Variants in NPHP4 observed in about 807,000 individuals in gnomAD.
NPHP4 encodes the protein nephrocystin-4.
Under a neutral mutation model 155.8 loss-of-function variants are expected in NPHP4, and 151 were observed. That is an observed-to-expected ratio of 0.97 (90% CI 0.85 to 1.11). NPHP4 has a LOEUF of 1.11. NPHP4 is among the 50% of genes least tolerant of loss of function. The pLI is 0.00. For synonymous variants in NPHP4, 845 were observed against 816.8 expected, an observed-to-expected ratio of 1.03 and a Z score of -0.59; for missense variants, 1,956 against 1,925.7, an observed-to-expected ratio of 1.02 and a Z score of -0.29.
chr1:5,968,903 T>C (rs1652026908), intron 4 of NPHP4, among the ~76,000 whole-genome samples, 184 bp downstream of exon 4: 1 of 151,900 alleles, frequency 6.6e-6, no homozygotes. Context: ...GCGTGGCACC[T>C]GTAATCCCAC....
rs1570064540 is a variant in NPHP4, at chr1:5,867,617, C to A, written c.3472+123G>T. ...GGCAGGAGAGAGAATTCCCCAGGCCCCACGTGCTGCTCTGACAGCACCAGG... is the reference window on the plus strand; with the variant it reads ...GGCAGGAGAGAGAATTCCCCAGGCCACACGTGCTGCTCTGACAGCACCAGG... On this transcript the variant is annotated intron_variant, in intron 24 of 29. Coordinates refer to ENST00000378156, the MANE Select transcript of NPHP4 (RefSeq NM_015102.5). The surrounding 1 kb of genome is among the most constrained non-coding windows in gnomAD (Gnocchi z 4.1). 6.1e-6 allele frequency: 6 copies of A among 987,406 alleles called. No homozygotes were observed. The highest frequency in any genetic ancestry group is 7.5e-6 in the Non-Finnish European group (5 of 668,842). The allele number at this position is 987,406 out of a possible 1,614,324, so 61.2% of individuals were successfully genotyped here.
chr1:5,986,748 G>A (rs1057450041), intron 1 of NPHP4, among the ~76,000 whole-genome samples: 1 of 151,878 alleles, frequency 6.6e-6, no homozygotes, highest in Non-Finnish European at 1.5e-5. Context: ...AGAACCCTCC[G>A]CCCCACCCCT....
intron 16 of NPHP4, among the ~76,000 whole-genome samples, chr1:5,893,191 G>C (rs901390749): frequency 6.6e-6 from 1 of 152,150 alleles, no homozygotes. Context: ...AGGGTCGGTG[G>C]GTCTCTCCCC....
chr1:5,895,044 G>A (rs1050772037), intron 16 of NPHP4, among the ~76,000 whole-genome samples: 42 of 152,168 alleles, frequency 2.8e-4, no homozygotes, highest in African/African-American at 9.7e-4. Flanking sequence ...GGACATGGAT[G>A]AAGCTGGAAA....
At chr1:5,952,862 G>A in intron 6 of NPHP4, 26 bp from the exon 7 acceptor site, 2 of 1,578,438 alleles carry the variant, frequency 1.3e-6, no homozygotes, top group Non-Finnish European at 1.7e-6. Flanking sequence ...TGCGAAAAGG[G>A]TCATCCTTGG....
In NPHP4 at chr1:5,933,323, A is replaced by C. The variant is rs199561679; in HGVS notation, c.1126T>G (p.Ser376Ala). ...SPAGVDGNAA[S>A]VTSLSNLACM... is the part of the protein sequence containing the mutation. The stretch of plus-strand genomic sequence containing the variant: ...GCCAGGTTGGACAGAGAGGTGACCG[A>C]AGCTGCCTAGAATTAAAACAAAGCA... Residue 376 changes from serine (S) to alanine (A), a missense_variant, in exon 10 of 30, where the codon TCG (serine) becomes GCG (alanine). Transcript: ENST00000378156. 1.6e-4 allele frequency: 251 copies of C among 1,612,284 alleles called. No individual in the cohort carries two copies. Among genetic ancestry groups the C allele is most frequent in the Non-Finnish European group, 2.0e-4 (238 of 1,179,642 alleles).
chr1:5,866,206 T>A, intron 26 of NPHP4, 167 bp downstream of exon 26: 1 of 674,666 alleles, frequency 1.5e-6, no homozygotes, highest in Non-Finnish European at 2.7e-6. Flanking sequence ...CCTAGACCCC[T>A]GCGGGCCCTG....
chr1:5,932,441 A>C (rs1342756554), intron 10 of NPHP4, among the ~76,000 whole-genome samples: 3 of 152,150 alleles, frequency 2.0e-5, no homozygotes, highest in Non-Finnish European at 4.4e-5. Flanking sequence ...GCCGAGCAGA[A>C]ACTCTGCCAC....
intron 16 of NPHP4, among the ~76,000 whole-genome samples, chr1:5,897,136 A>C (rs1240025563): frequency 6.6e-6 from 1 of 152,152 alleles, no homozygotes; most frequent in African/African-American, 2.4e-5. Context: ...TTCTTTTTTA[A>C]CAAAGAATGT....
chr1:5,942,558 T>A (rs924935692), intron 9 of NPHP4, among the ~76,000 whole-genome samples: 561 of 39,912 alleles, frequency 0.014, no homozygotes, highest in Middle Eastern at 0.017. Context: ...AAAAGGAGAC[T>A]AAAATATTAA....
chr1:5,936,034 G>A (rs372127149), intron 9 of NPHP4, among the ~76,000 whole-genome samples: 12 of 152,114 alleles, frequency 7.9e-5, no homozygotes, highest in South Asian at 4.1e-4. Flanking sequence ...ATGTATCTAC[G>A]TTTTCATGCT....
At chr1:5,991,320 AAAGACAC>A (rs1176752651) in intron 1 of NPHP4, 18 of 152,220 alleles carry the variant, frequency 1.2e-4, no homozygotes, top group Non-Finnish European at 2.5e-4. Flanking sequence ...TAGCATACAA[AAAGACAC>A]AAGTGTGACC....
intron 3 of NPHP4, among the ~76,000 whole-genome samples, chr1:5,975,816 C>T (rs939076579): frequency 6.6e-6 from 1 of 152,214 alleles, no homozygotes; most frequent in Admixed American, 6.5e-5. Flanking sequence ...AACATAATCC[C>T]GAGAAGGGCA....
chr1:5,988,715 A>G (rs754875015), intron 1 of NPHP4, among the ~76,000 whole-genome samples: 3 of 152,162 alleles, frequency 2.0e-5, no homozygotes, highest in African/African-American at 4.8e-5. Flanking sequence ...GTGGGAACCG[A>G]GAGGACATGA....
intron 5 of NPHP4, among the ~76,000 whole-genome samples, chr1:5,962,688 G>A (rs1650567063): frequency 6.6e-6 from 1 of 152,224 alleles, no homozygotes. Flanking sequence ...TCCGAACCAC[G>A]GGACAGATGT....
Position 5,865,155 on chromosome 1 carries a change from T to TCCCC in NPHP4, c.3759_3762dup (p.Thr1255GlyfsTer44). On this transcript the variant is annotated frameshift_variant, in exon 27 of 30. Coordinates refer to ENST00000378156, the MANE Select transcript of NPHP4 (RefSeq NM_015102.5). LOFTEE classifies it high-confidence loss of function. ...GCTCTCACTTTCCTCACTGTCTGTG[T>TCCCC]CCCCCGAAGGACAAGGGACAGGCGG... 6.2e-7 allele frequency: 1 copy of TCCCC among 1,613,506 alleles called. No individual in the cohort carries two copies.
chr1:5,904,894 G>C (rs1198178604), intron 15 of NPHP4, 90 bp from the exon 16 acceptor site: 1 of 1,297,474 alleles, frequency 7.7e-7, no homozygotes, highest in Non-Finnish European at 1.1e-6. Context: ...GATGGTCCAG[G>C]CACCTTAGTC....
intron 2 of NPHP4, among the ~76,000 whole-genome samples, chr1:5,984,155 C>T (rs757646565): frequency 1.3e-5 from 2 of 152,194 alleles, no homozygotes; most frequent in Non-Finnish European, 2.9e-5. Flanking sequence ...TATAAAGAAA[C>T]ACCTTGCGGT....
At chr1:5,908,447 G>A (rs1645018265) in intron 12 of NPHP4, among the ~76,000 whole-genome samples, 1 of 152,202 alleles carries the variant, frequency 6.6e-6, no homozygotes, top group South Asian at 2.1e-4. Context: ...GATGATGCTG[G>A]CAGACAAAGT....
Sources: gnomAD v4.1 joint callset for allele counts (sites outside exome capture counted in the v4.1 genomes callset) on GRCh38, gnomAD v4.1.1 for gene constraint, Gnocchi (gnomAD v3.1) non-coding constraint, MANE v1.5 for transcripts, NCBI Gene and HGNC (gene_info 2026-07-23, HGNC 2026-07-21) for gene names.